The following KIRREL3 variants were observed in gnomAD, a reference collection of about 807,000 sequenced individuals.
KIRREL3 encodes the protein kin of IRRE-like protein 3.
Under a neutral mutation model 89.7 loss-of-function variants are expected in KIRREL3, and 36 were observed. The ratio of observed to expected loss-of-function variants is 0.40; its 90% CI spans 0.31 to 0.53. KIRREL3 has a LOEUF of 0.53. Among genes scored for constraint, KIRREL3 ranks in the 20% least tolerant of loss-of-function variants. The pLI is 0.49. For synonymous variants in KIRREL3, 445 were observed against 441.4 expected, an observed-to-expected ratio of 1.01 and a Z score of -0.10; for missense variants, 864 against 1,056.6, an observed-to-expected ratio of 0.82 and a Z score of 2.53.
Position 126,683,869 on chromosome 11 carries a change from T to C in KIRREL3, c.56-120957A>G, listed in dbSNP as rs1369175504. ...TCGCCAGGCCCCAGACGCGCGTGGG[T>C]CCACCTACCGTCCATCTACCGGGGT... On this transcript the variant is annotated intron_variant, in intron 1 of 16. Transcript: ENST00000525144. The surrounding 1 kb of genome is among the most constrained non-coding windows in gnomAD (Gnocchi z 5.2). Among the ~76,000 whole-genome samples the C allele has an allele frequency of 6.6e-6, 1 of 152,196 alleles. No homozygotes were observed. Among genetic ancestry groups the C allele is most frequent in the Non-Finnish European group, 1.5e-5 (1 of 68,026 alleles).
At chr11:126,503,323 G>A (rs899950926) in intron 4 of KIRREL3, among the ~76,000 whole-genome samples, 5 of 152,088 alleles carry the variant, frequency 3.3e-5, no homozygotes, top group South Asian at 2.1e-4. Context: ...GTGGGCACTC[G>A]GGTAGGTACC....
At chr11:126,483,131 A>T (rs541986281) in intron 4 of KIRREL3, among the ~76,000 whole-genome samples, 1 of 152,232 alleles carries the variant, frequency 6.6e-6, no homozygotes, top group Non-Finnish European at 1.5e-5. Flanking sequence ...CCCTATACTC[A>T]GAGGAAAGAA....
rs1949974905 is a variant in KIRREL3 at position 126,989,872 on chromosome 11, T to G, written c.55+10583A>C. Among the ~76,000 whole-genome samples, 1 of 152,216 alleles carries G rather than the reference T, an allele frequency of 6.6e-6. No homozygotes were observed. The highest frequency in any genetic ancestry group is 1.9e-4 in the East Asian group (1 of 5,186). On this transcript the variant is annotated intron_variant, in intron 1 of 16. Coordinates refer to ENST00000525144, the MANE Select transcript of KIRREL3 (RefSeq NM_032531.4). The surrounding 1 kb of genome is among the most constrained non-coding windows in gnomAD (Gnocchi z 6.2). ...CCCGTGGTGGTTTTTTATAATGGTG[T>G]TGTTGGAAATTAGTAATACCATCCA...
At chr11:126,458,386 G>A (rs1956441727) in intron 6 of KIRREL3, among the ~76,000 whole-genome samples, 2 of 151,806 alleles carry the variant, frequency 1.3e-5, no homozygotes. Context: ...TGGGACTACG[G>A]TGGGGTCCTG....
In KIRREL3 at chr11:126,755,649, G is replaced by A. The variant is rs906182327; in HGVS notation, c.56-192737C>T. Among the ~76,000 whole-genome samples, 3 of 151,896 alleles carry A rather than the reference G, an allele frequency of 2.0e-5. No individual in the cohort carries two copies. The highest frequency in any genetic ancestry group is 6.6e-5 in the Admixed American group (1 of 15,234). On this transcript the variant is annotated intron_variant, in intron 1 of 16. Coordinates refer to ENST00000525144, the MANE Select transcript of KIRREL3 (RefSeq NM_032531.4). This position sits in a 1 kb window ranked among gnomAD's most constrained non-coding sequence, Gnocchi z 4.3. ...CTTCCCTGAGTGCCTGTACACCCCC[G>A]CCCCCAATTCTTGTTGCCAGAGAGC...
chr11:126,725,601 C>T (rs1388795985), intron 1 of KIRREL3, among the ~76,000 whole-genome samples: 1 of 152,200 alleles, frequency 6.6e-6, no homozygotes, highest in African/African-American at 2.4e-5. Flanking sequence ...GGCTTTCCTG[C>T]CTTCCTTGGA....
intron 1 of KIRREL3, among the ~76,000 whole-genome samples, chr11:126,731,839 G>GC (rs1290301908): frequency 6.6e-6 from 1 of 152,192 alleles, no homozygotes; most frequent in Non-Finnish European, 1.5e-5. Context: ...CAAAAGCTTG[G>GC]CCCCCCAGCA....
At chr11:126,425,777 TC>T in intron 15 of KIRREL3, 53 bp from the exon 16 acceptor site, 1 of 1,379,790 alleles carries the variant, frequency 7.2e-7, no homozygotes, top group Non-Finnish European at 1.0e-6. Flanking sequence ...AACCTCCACT[TC>T]CCCCAAGGAA....
intron 1 of KIRREL3, among the ~76,000 whole-genome samples, chr11:126,786,663 C>T (rs766492711): frequency 5.9e-5 from 9 of 152,210 alleles, no homozygotes; most frequent in Non-Finnish European, 1.0e-4. Context: ...GTCATTTAGG[C>T]TAGTTGAGGA....
chr11:126,972,896 A>G (rs1949466834), intron 1 of KIRREL3, among the ~76,000 whole-genome samples: 2 of 152,172 alleles, frequency 1.3e-5, no homozygotes, highest in Admixed American at 1.3e-4. Flanking sequence ...CATCGTGCAC[A>G]TAAAAAGGGA....
At position 126,669,562 on chromosome 11, in the gene KIRREL3, T is replaced by C. The variant is rs1299057594; in HGVS notation, c.56-106650A>G. Reference sequence around the variant, plus strand: ...ATCTTTTCCAGTGCATGGGTACAGATCTCAGTAGCACACATGGAACATTTG... The same window carrying C: ...ATCTTTTCCAGTGCATGGGTACAGACCTCAGTAGCACACATGGAACATTTG... On this transcript the variant is annotated intron_variant, in intron 1 of 16. Coordinates refer to ENST00000525144, the MANE Select transcript of KIRREL3 (RefSeq NM_032531.4). The surrounding 1 kb of genome is among the most constrained non-coding windows in gnomAD (Gnocchi z 5.0). Among the ~76,000 whole-genome samples, 2 of 152,186 alleles carry C rather than the reference T, an allele frequency of 1.3e-5. No homozygotes were observed. Among genetic ancestry groups the C allele is most frequent in the Admixed American group, 1.3e-4 (2 of 15,284 alleles).
intron 7 of KIRREL3, 40 bp downstream of exon 7, chr11:126,456,309 G>C (rs1434783758): frequency 7.2e-7 from 1 of 1,384,788 alleles, no homozygotes; most frequent in African/African-American, 1.4e-5. Context: ...GGGGGTGGGG[G>C]CCAGTGGCCA....
intron 4 of KIRREL3, among the ~76,000 whole-genome samples, chr11:126,493,609 C>T (rs561062603): frequency 1.9e-4 from 28 of 147,826 alleles, no homozygotes; most frequent in Admixed American, 1.6e-3. Context: ...GAGCTGAGAT[C>T]GCGCCACCGC....
At position 126,521,232 on chromosome 11, in the gene KIRREL3, G is replaced by A. The variant is rs1958575554; in HGVS notation, c.433+83C>T. The A allele has an allele frequency of 8.5e-6, 12 of 1,410,002 alleles. No homozygotes were observed. The highest frequency in any genetic ancestry group is 1.1e-5 in the Non-Finnish European group (12 of 1,069,634). 87.3% of individuals were successfully genotyped at this position (1,410,002 alleles called of 1,614,324 possible). On this transcript the variant is annotated intron_variant, in intron 4 of 16. Transcript: ENST00000525144. The surrounding 1 kb of genome is among the most constrained non-coding windows in gnomAD (Gnocchi z 4.1). ...GATCCCCAGAGGGGAGTCTCCCCAT[G>A]TCTGACCAAAAAAATACCCTCTTGG...
intron 2 of KIRREL3, chr11:126,549,699 G>C (rs1008512292): frequency 6.6e-6 from 1 of 152,218 alleles, no homozygotes; most frequent in African/African-American, 2.4e-5. Context: ...AGGCCTCCCC[G>C]GTGCAGTTGA....
At position 126,867,722 on chromosome 11, in the gene KIRREL3, G is replaced by A. The variant is rs1944970575; in HGVS notation, c.55+132733C>T. 6.6e-6 allele frequency among the ~76,000 whole-genome samples: 1 copy of A among 152,184 alleles called. No individual in the cohort carries two copies. The highest frequency in any genetic ancestry group is 2.1e-4 in the South Asian group (1 of 4,828). ...CTTATTTAAAGCTACATTCAGCTAG[G>A]ATGTAAGTTGGCCAGAATCTGAACC... On this transcript the variant is annotated intron_variant, in intron 1 of 16. Transcript: ENST00000525144. This position sits in a 1 kb window ranked among gnomAD's most constrained non-coding sequence, Gnocchi z 4.7.
rs1042246023 is a variant in KIRREL3 at position 126,807,144 on chromosome 11, G to C, written c.55+193311C>G. ...TTTTCCAAGTTCCCAAGCAGGTTTG[G>C]GAGTAGGACGTGGTCTGGGAAGGGA... On this transcript the variant is annotated intron_variant, in intron 1 of 16. Transcript: ENST00000525144. This position sits in a 1 kb window ranked among gnomAD's most constrained non-coding sequence, Gnocchi z 4.3. 7.2e-5 allele frequency among the ~76,000 whole-genome samples: 11 copies of C among 152,202 alleles called. 1 individual carries two copies. Among genetic ancestry groups the C allele is most frequent in the Admixed American group, 2.6e-4 (4 of 15,284 alleles).
intron 1 of KIRREL3, among the ~76,000 whole-genome samples, chr11:126,854,854 G>T (rs1038893175): frequency 6.6e-6 from 1 of 152,044 alleles, no homozygotes; most frequent in African/African-American, 2.4e-5. Context: ...GTGCACAAAG[G>T]GTCCAATTCA....
At chr11:126,964,364 A>T (rs1246095431) in intron 1 of KIRREL3, among the ~76,000 whole-genome samples, 1 of 152,070 alleles carries the variant, frequency 6.6e-6, no homozygotes, top group Non-Finnish European at 1.5e-5. Context: ...TGTGGGCAAC[A>T]CCCCCTTCTC....
Sources: gnomAD v4.1 joint callset for allele counts (sites outside exome capture counted in the v4.1 genomes callset) on GRCh38, gnomAD v4.1.1 for gene constraint, Gnocchi (gnomAD v3.1) non-coding constraint, MANE v1.5 for transcripts, NCBI Gene and HGNC (gene_info 2026-07-23, HGNC 2026-07-21) for gene names.